RAD51B: variants seen among roughly 807,000 people sequenced by gnomAD.
RAD51B encodes RAD51 paralog B, also known as DNA repair protein RAD51 homolog 2.
Under a neutral mutation model 42.2 loss-of-function variants are expected in RAD51B, and 38 were observed. The ratio of observed to expected loss-of-function variants is 0.90; its 90% CI spans 0.70 to 1.18. RAD51B has a LOEUF of 1.18. Ranked by LOEUF, RAD51B falls within the 50% of genes most tolerant of loss-of-function variation. The pLI, the probability that RAD51B is intolerant of heterozygous loss-of-function variation, is 0.00. For synonymous variants in RAD51B, 154 were observed against 145.2 expected (o/e 1.06, Z -0.43); for missense variants, 373 against 400.7 (o/e 0.93, Z 0.59).
intron 7 of RAD51B, among the ~76,000 whole-genome samples, chr14:67,981,787 T>A (rs1003303558): frequency 2.0e-5 from 3 of 152,074 alleles, no homozygotes; most frequent in African/African-American, 7.2e-5. Context: ...AGATGGGTGG[T>A]TACCTAGAGA....
chr14:68,371,068 A>AAAG (rs2083252071), intron 8 of RAD51B, among the ~76,000 whole-genome samples: 1 of 146,836 alleles, frequency 6.8e-6, no homozygotes, highest in African/African-American at 2.6e-5. Context: ...AAAAAAGAAA[A>AAAG]GAAAATTAAA....
intron 10 of RAD51B, among the ~76,000 whole-genome samples, chr14:68,566,272 T>G (rs8016149): frequency 0.27 from 40,769 of 152,104 alleles, 6,148 homozygotes; most frequent in Middle Eastern, 0.41. Flanking sequence ...GTTTCCCAGG[T>G]GTAGCTGACA....
At chr14:68,061,876 G>C (rs539868113) in intron 7 of RAD51B, among the ~76,000 whole-genome samples, 5 of 152,184 alleles carry the variant, frequency 3.3e-5, no homozygotes, top group Admixed American at 6.5e-5. Flanking sequence ...TTTCGATTTG[G>C]ATGCCTTTTA....
At chr14:68,150,477 CTTT>C (rs35342952) in intron 7 of RAD51B, among the ~76,000 whole-genome samples, 117,854 of 151,790 alleles carry the variant, frequency 0.78, 46,535 homozygotes, top group East Asian at 0.98. Context: ...TTTAGATCTT[CTTT>C]GATTTCTTTC....
At chr14:68,484,500 G>A (rs1348182590) in intron 10 of RAD51B, among the ~76,000 whole-genome samples, 2 of 151,838 alleles carry the variant, frequency 1.3e-5, no homozygotes, top group African/African-American at 4.8e-5. Flanking sequence ...TGGGACTACA[G>A]GCGCCCACCA....
At chr14:68,378,254 C>A (rs2083411052) in intron 8 of RAD51B, among the ~76,000 whole-genome samples, 1 of 152,204 alleles carries the variant, frequency 6.6e-6, no homozygotes, top group Admixed American at 6.5e-5. Context: ...CTTTTGTTTT[C>A]ATAACTGAAG....
chr14:68,123,666 G>A (rs747817635), intron 7 of RAD51B, among the ~76,000 whole-genome samples: 1 of 152,044 alleles, frequency 6.6e-6, no homozygotes. Flanking sequence ...AAATTAGCTC[G>A]GCATGGTGGC....
At chr14:67,857,268 A>T (rs990754321) in intron 4 of RAD51B, among the ~76,000 whole-genome samples, 1 of 152,230 alleles carries the variant, frequency 6.6e-6, no homozygotes, top group Non-Finnish European at 1.5e-5. Flanking sequence ...ATTGTTAAAA[A>T]AAATTAGAAA....
chr14:67,945,986 G>A (rs1217161835), intron 7 of RAD51B, among the ~76,000 whole-genome samples: 2 of 152,154 alleles, frequency 1.3e-5, no homozygotes, highest in Non-Finnish European at 2.9e-5. Context: ...AGTCACTCCA[G>A]TTCAGGATTG....
At chr14:68,653,352 C>G (rs1892740932) in intron 11 of RAD51B, among the ~76,000 whole-genome samples, 1 of 152,104 alleles carries the variant, frequency 6.6e-6, no homozygotes, top group African/African-American at 2.4e-5. Context: ...CCAGCCTGGG[C>G]AACATAGCAA....
At chr14:68,487,672 T>A (rs1883738589) in intron 10 of RAD51B, among the ~76,000 whole-genome samples, 1 of 151,888 alleles carries the variant, frequency 6.6e-6, no homozygotes, top group Non-Finnish European at 1.5e-5. Context: ...CCACACCTGG[T>A]TAATTTTTGT....
intron 10 of RAD51B, among the ~76,000 whole-genome samples, chr14:68,539,693 C>G (rs938865629): frequency 6.6e-6 from 1 of 152,218 alleles, no homozygotes. Context: ...CACAGTGGCC[C>G]ATGAATGGGG....
intron 9 of RAD51B, among the ~76,000 whole-genome samples, chr14:68,466,644 C>T (rs1196526036): frequency 7.9e-5 from 12 of 152,170 alleles, no homozygotes; most frequent in African/African-American, 2.2e-4. Flanking sequence ...TTGGGAAGAG[C>T]GAAAGAGAAA....
At chr14:68,614,677 A>G (rs929033975), downstream of RAD51B, among the ~76,000 whole-genome samples, 2 of 152,266 alleles carry the variant, frequency 1.3e-5, no homozygotes, top group African/African-American at 4.8e-5. Context: ...TCCATGTTGT[A>G]GCATGTATTG....
chr14:67,985,865 G>A (rs1410048854), intron 7 of RAD51B, among the ~76,000 whole-genome samples: 12 of 152,138 alleles, frequency 7.9e-5, no homozygotes, highest in African/African-American at 2.7e-4. Context: ...AGCTGAGGTC[G>A]TGCCACTGCA....
At chr14:68,133,939 A>T (rs892580363) in intron 7 of RAD51B, among the ~76,000 whole-genome samples, 11 of 152,210 alleles carry the variant, frequency 7.2e-5, no homozygotes, top group Non-Finnish European at 1.3e-4. Flanking sequence ...GTACAGTATC[A>T]AAACCTGGAA....
chr14:68,313,998 A>G (rs902585284), intron 8 of RAD51B, among the ~76,000 whole-genome samples: 2 of 152,182 alleles, frequency 1.3e-5, no homozygotes, highest in Non-Finnish European at 2.9e-5. Flanking sequence ...AGGGACTAGA[A>G]TACTGCTGTG....
chr14:68,246,431 C>A (rs1260272842), intron 7 of RAD51B, among the ~76,000 whole-genome samples: 1 of 152,120 alleles, frequency 6.6e-6, no homozygotes, highest in African/African-American at 2.4e-5. Context: ...CAAAGCTGAG[C>A]ACTTTTATGA....
At chr14:67,929,080 C>T (rs555839589) in intron 7 of RAD51B, among the ~76,000 whole-genome samples, 1 of 151,994 alleles carries the variant, frequency 6.6e-6, no homozygotes, top group African/African-American at 2.4e-5. Context: ...TTTTTAGTCT[C>T]TATTTCATTT....
Sources: allele counts gnomAD v4.1 joint callset (sites outside exome capture counted in the v4.1 genomes callset), GRCh38; gene constraint gnomAD v4.1.1; transcripts MANE v1.5; gene names NCBI Gene and HGNC (gene_info 2026-07-23, HGNC 2026-07-21).